The following EHMT1 variants were observed in gnomAD, a reference collection of about 807,000 sequenced individuals.
EHMT1 encodes the protein euchromatic histone lysine methyltransferase 1, also known as histone-lysine N-methyltransferase EHMT1.
EHMT1 carries 15 observed loss-of-function variants against 147.2 expected under a neutral mutation model. The ratio of observed to expected loss-of-function variants is 0.10; its 90% CI spans 0.07 to 0.16. The LOEUF (loss-of-function observed/expected upper bound fraction) is 0.16. EHMT1 is among the 10% of genes least tolerant of loss of function. The pLI is 1.00. For missense variants in EHMT1, 1,587 were observed against 1,772.4 expected (o/e 0.90, Z 1.88); for synonymous variants, 795 against 709.6 (o/e 1.12, Z -1.91).
intron 1 of EHMT1, chr9:137,641,528 A>C (rs1198297016): frequency 2.7e-6 from 1 of 370,456 alleles, no homozygotes; most frequent in African/African-American, 2.2e-5. Flanking sequence ...GATTTTGGGA[A>C]TCAATTCTCA....
intron 16 of EHMT1, among the ~76,000 whole-genome samples, chr9:137,796,145 C>T (rs1340918565): frequency 2.0e-5 from 3 of 152,188 alleles, no homozygotes; most frequent in Admixed American, 6.5e-5. Context: ...GCTGGAGAAG[C>T]GCGCTTGCAC....
chr9:137,690,821 A>G (rs1055403709), intron 1 of EHMT1, among the ~76,000 whole-genome samples: 1 of 152,228 alleles, frequency 6.6e-6, no homozygotes, highest in Non-Finnish European at 1.5e-5. Flanking sequence ...TGCTTTAAAC[A>G]GCATCATATA....
rs145457795 is a variant in EHMT1 at position 137,767,424 on chromosome 9, CACTT to C, written c.1647+4608_1647+4611del. On this transcript the variant is annotated intron_variant, in intron 10 of 26. Coordinates refer to ENST00000460843, the MANE Select transcript of EHMT1 (RefSeq NM_024757.5). ...TAAGGTTACAATACAGGTTGAGTAT[CACTT>C]ACTCAAAATGCTTGGGACCAGAAGT... Among the ~76,000 whole-genome samples, 827 of 152,318 alleles carry C rather than the reference CACTT, an allele frequency of 5.4e-3. 7 individuals are homozygous for C. The highest frequency in any genetic ancestry group is 0.018 in the African/African-American group (729 of 41,566).
intron 1 of EHMT1, among the ~76,000 whole-genome samples, chr9:137,692,890 G>A (rs1447831475): frequency 1.3e-5 from 2 of 152,096 alleles, no homozygotes; most frequent in African/African-American, 4.8e-5. Context: ...ACACGTGCGG[G>A]CAGTGGTAGG....
chr9:137,647,930 C>T (rs1845028055), intron 1 of EHMT1, among the ~76,000 whole-genome samples: 1 of 152,092 alleles, frequency 6.6e-6, no homozygotes, highest in Non-Finnish European at 1.5e-5. Context: ...CTCTCTCCTG[C>T]TTTCTTTTTC....
At chr9:137,728,033 C>T (rs1294015127) in intron 3 of EHMT1, among the ~76,000 whole-genome samples, 1 of 152,148 alleles carries the variant, frequency 6.6e-6, no homozygotes, top group Non-Finnish European at 1.5e-5. Context: ...GAAAATGTTT[C>T]AGGTTTTGTG....
intron 10 of EHMT1, among the ~76,000 whole-genome samples, chr9:137,770,876 C>T (rs1351161455): frequency 6.6e-6 from 1 of 152,216 alleles, no homozygotes; most frequent in East Asian, 1.9e-4. Flanking sequence ...ATTGCCTTTC[C>T]TTTCTTGAGT....
chr9:137,798,755 G>C, intron 16 of EHMT1, 58 bp from the exon 17 acceptor site: 1 of 1,421,222 alleles, frequency 7.0e-7, no homozygotes, highest in Non-Finnish European at 9.9e-7. Flanking sequence ...CGCACTCAGG[G>C]CTGGCACACC....
chr9:137,636,069 A>C (rs1189357381), intron 1 of EHMT1, among the ~76,000 whole-genome samples: 1 of 151,314 alleles, frequency 6.6e-6, no homozygotes, highest in Non-Finnish European at 1.5e-5. Context: ...TTACAGGTGC[A>C]TGCCACCACG....
chr9:137,645,124 C>T (rs780903479), intron 1 of EHMT1, among the ~76,000 whole-genome samples: 60 of 152,338 alleles, frequency 3.9e-4, no homozygotes, highest in East Asian at 7.7e-4. Flanking sequence ...CCGCCTGCCT[C>T]GGCCTCCCGA....
chr9:137,801,753 C>T (rs550800736), intron 18 of EHMT1, among the ~76,000 whole-genome samples: 18 of 152,266 alleles, frequency 1.2e-4, no homozygotes, highest in African/African-American at 4.1e-4. Flanking sequence ...CCGCCTCAGC[C>T]TTCCATAGAG....
At chr9:137,674,632 C>A (rs1471175849) in intron 1 of EHMT1, among the ~76,000 whole-genome samples, 3 of 152,214 alleles carry the variant, frequency 2.0e-5, no homozygotes, top group African/African-American at 7.2e-5. Flanking sequence ...TATATTTAAT[C>A]ATCATCTTAG....
intron 1 of EHMT1, among the ~76,000 whole-genome samples, chr9:137,655,779 T>C (rs899684402): frequency 4.6e-5 from 7 of 152,160 alleles, no homozygotes; most frequent in Admixed American, 3.3e-4. Flanking sequence ...GTGCTCCTTA[T>C]GAGAATCTAG....
chr9:137,649,490 A>AC (rs1158163964), intron 1 of EHMT1, among the ~76,000 whole-genome samples: 16 of 146,726 alleles, frequency 1.1e-4, no homozygotes, highest in African/African-American at 2.3e-4. Context: ...AAACAAACAA[A>AC]AATGTCCTCC....
chr9:137,827,734 C>T (rs1352795794), intron 25 of EHMT1, among the ~76,000 whole-genome samples: 1 of 152,126 alleles, frequency 6.6e-6, no homozygotes, highest in Non-Finnish European at 1.5e-5. Flanking sequence ...TTGAACATGC[C>T]CTCTGGGATC....
Position 137,716,656 on chromosome 9 carries a change from C to A in EHMT1, c.116C>A (p.Ala39Glu), listed in dbSNP as rs375620256. 9.4e-6 allele frequency: 15 copies of A among 1,589,158 alleles called. No homozygotes were observed. The highest frequency in any genetic ancestry group is 1.3e-5 in the Non-Finnish European group (15 of 1,164,970). ...CCTATGGCTGCCGATGAAGGCTCAG[C>A]AGAGAAACAGGCAGGAGAGGCCCAC... is the stretch of plus-strand genomic sequence containing the variant. ...ETPMAADEGS[A>E]EKQAGEAHMA... Residue 39 changes from alanine to glutamate, a missense_variant, in exon 3 of 27, where the codon GCA becomes GAA. Transcript: ENST00000460843.
At position 137,754,303 on chromosome 9, in the gene EHMT1, G is replaced by A. The variant is rs532795271; in HGVS notation, c.1369+12G>A. The stretch of plus-strand genomic sequence containing the variant: ...CAGCGGTGCCCTCGGTAAATGCCGT[G>A]GGGGTGTGGGCCATCACGGGGACTG... On this transcript the variant is annotated intron_variant, in intron 8 of 26. Coordinates refer to ENST00000460843, the MANE Select transcript of EHMT1 (RefSeq NM_024757.5). The A allele has an allele frequency of 1.2e-6, 2 of 1,613,694 alleles. No individual in the cohort carries two copies. Among genetic ancestry groups the A allele is most frequent in the South Asian group, 1.1e-5 (1 of 91,062 alleles).
intron 10 of EHMT1, among the ~76,000 whole-genome samples, chr9:137,773,461 G>A (rs540796034): frequency 6.6e-6 from 1 of 151,386 alleles, no homozygotes; most frequent in Non-Finnish European, 1.5e-5. Flanking sequence ...TTTGGGCATC[G>A]AGAAGTCTCT....
intron 1 of EHMT1, among the ~76,000 whole-genome samples, chr9:137,690,881 G>C (rs1188031076): frequency 6.6e-6 from 1 of 152,232 alleles, no homozygotes; most frequent in Non-Finnish European, 1.5e-5. Flanking sequence ...GCACCATGAA[G>C]TTAAGGTGCT....
Sources: gnomAD v4.1 joint callset for allele counts (sites outside exome capture counted in the v4.1 genomes callset) on GRCh38, gnomAD v4.1.1 for gene constraint, MANE v1.5 for transcripts, NCBI Gene and HGNC (gene_info 2026-07-23, HGNC 2026-07-21) for gene names.